Variants in PPP4R2 observed in about 807,000 individuals in gnomAD.
PPP4R2 encodes the protein protein phosphatase 4 regulatory subunit 2, also known as serine/threonine-protein phosphatase 4 regulatory subunit 2.
In PPP4R2, 13 loss-of-function variants were observed where a neutral mutation model predicts 47.2. The observed-to-expected ratio is 0.28, with a 90% CI of 0.18 to 0.44. PPP4R2 has a LOEUF of 0.44. PPP4R2 is among the 20% of genes least tolerant of loss of function. The pLI is 1.00. For synonymous variants in PPP4R2, 151 were observed against 163.3 expected (o/e 0.92, Z 0.57); for missense variants, 421 against 491.2 (o/e 0.86, Z 1.35).
chr3:73,031,488 G>A (rs1702162910), intron 2 of PPP4R2, among the ~76,000 whole-genome samples: 1 of 152,078 alleles, frequency 6.6e-6, no homozygotes, highest in African/African-American at 2.4e-5. Flanking sequence ...GTTGTAGTGA[G>A]CCGAGATTGT....
chr3:73,013,559 G>A (rs868608073), intron 2 of PPP4R2, among the ~76,000 whole-genome samples: 1 of 152,046 alleles, frequency 6.6e-6, no homozygotes, highest in African/African-American at 2.4e-5. Flanking sequence ...ACACATAAGT[G>A]TATGTGTGTT....
chr3:73,029,111 A>G (rs1436535800), intron 2 of PPP4R2, among the ~76,000 whole-genome samples: 4 of 152,116 alleles, frequency 2.6e-5, no homozygotes, highest in African/African-American at 7.2e-5. Flanking sequence ...ATGCCTGGCA[A>G]ATTTTTAATT....
chr3:73,029,155 G>T (rs1246177508), intron 2 of PPP4R2, among the ~76,000 whole-genome samples: 1 of 152,120 alleles, frequency 6.6e-6, no homozygotes, highest in African/African-American at 2.4e-5. Context: ...TGCCCAGGCT[G>T]GTTTTGAACC....
upstream of PPP4R2, chr3:72,996,746 T>A (rs960187758): frequency 3.3e-6 from 1 of 300,996 alleles, no homozygotes; most frequent in East Asian, 5.6e-5. Flanking sequence ...CGCTCTCGGG[T>A]TCCGGGCCGG....
intron 2 of PPP4R2, among the ~76,000 whole-genome samples, chr3:73,013,720 C>T (rs1057326710): frequency 1.3e-5 from 2 of 152,044 alleles, no homozygotes; most frequent in African/African-American, 4.8e-5. Flanking sequence ...CTCACTGCAG[C>T]CTCCACCTCC....
chr3:73,018,618 GTTC>G (rs1178000108), intron 2 of PPP4R2, among the ~76,000 whole-genome samples: 1 of 151,786 alleles, frequency 6.6e-6, no homozygotes, highest in Non-Finnish European at 1.5e-5. Flanking sequence ...CTTCACCTAG[GTTC>G]TTCTTACCTT....
intron 5 of PPP4R2, chr3:73,062,220 A>G (rs1028383908): frequency 6.3e-7 from 1 of 1,593,878 alleles, no homozygotes; most frequent in Non-Finnish European, 8.5e-7. Flanking sequence ...CCAATTTTCC[A>G]CAATGTCTCA....
intron 2 of PPP4R2, among the ~76,000 whole-genome samples, chr3:73,007,484 GT>G (rs11359787): frequency 0.52 from 78,248 of 149,160 alleles, 20,616 homozygotes; most frequent in African/African-American, 0.61. Context: ...TTTGTTTTTT[GT>G]TTTTTTTTGT....
At chr3:73,053,606 C>T (rs1328480319) in intron 3 of PPP4R2, among the ~76,000 whole-genome samples, 1 of 151,986 alleles carries the variant, frequency 6.6e-6, no homozygotes, top group Non-Finnish European at 1.5e-5. Flanking sequence ...GGTTCCTTAT[C>T]ATTATTAAAA....
chr3:73,030,990 C>T (rs1438373269), intron 2 of PPP4R2, among the ~76,000 whole-genome samples: 1 of 151,990 alleles, frequency 6.6e-6, no homozygotes, highest in Non-Finnish European at 1.5e-5. Flanking sequence ...GTGTGAGCCA[C>T]CGCACTGGGC....
At chr3:73,043,128 TATTA>T (rs1175294463) in intron 2 of PPP4R2, among the ~76,000 whole-genome samples, 11 of 152,122 alleles carry the variant, frequency 7.2e-5, no homozygotes, top group Admixed American at 6.5e-4. Flanking sequence ...CACAAAAAAT[TATTA>T]ATTTAAGAAA....
intron 2 of PPP4R2, among the ~76,000 whole-genome samples, chr3:73,004,910 CA>C (rs1701567314): frequency 1.3e-5 from 1 of 79,264 alleles, no homozygotes; most frequent in Non-Finnish European, 2.6e-5. Context: ...GAGTCGGAGT[CA>C]TGTGTGTGTG....
chr3:73,032,504 G>A (rs919135428), intron 2 of PPP4R2, among the ~76,000 whole-genome samples: 24 of 152,092 alleles, frequency 1.6e-4, no homozygotes, highest in African/African-American at 5.6e-4. Context: ...GGCCAGGATG[G>A]TCTTGATTTC....
In PPP4R2 at chr3:73,035,225, C is replaced by T. The variant is rs563642936; in HGVS notation, c.117-11961C>T. The stretch of plus-strand genomic sequence containing the variant: ...AACCACGATGAGATGTTATACACCC[C>T]AGTTAAATGACCATTATCAAAAAGA... On this transcript the variant is annotated intron_variant, in intron 2 of 8. Transcript: ENST00000356692. Among the ~76,000 whole-genome samples, 6 of 152,188 alleles carry T rather than the reference C, an allele frequency of 3.9e-5. No homozygotes were observed. In the South Asian group the frequency reaches 1.2e-3, roughly 32 times the overall value.
At chr3:72,997,174 G>A in intron 1 of PPP4R2, 103 bp downstream of exon 1, 3 of 958,338 alleles carry the variant, frequency 3.1e-6, no homozygotes, top group Non-Finnish European at 4.2e-6. Context: ...GGCGCGGCGT[G>A]GGGAGAGTGC....
intron 2 of PPP4R2, among the ~76,000 whole-genome samples, chr3:73,033,305 C>T (rs1207996330): frequency 6.6e-6 from 1 of 152,128 alleles, no homozygotes; most frequent in East Asian, 1.9e-4. Flanking sequence ...GTTGATAAAT[C>T]TGGAGCCCTC....
chr3:73,064,036 A>C lies in PPP4R2; in HGVS notation c.528A>C (p.Pro176=). 1 of 1,612,228 alleles carries C rather than the reference A, an allele frequency of 6.2e-7. No individual in the cohort carries two copies. Among genetic ancestry groups the C allele is most frequent in the Middle Eastern group, 1.9e-4 (1 of 5,292 alleles). ...SNINGPGTPR[P]LNRPKVSLSA... ...TAAATGGGCCTGGGACACCCAGGCC[A>C]CTTAATCGACCAAAGGTTTCTTTGT... The change falls in exon 7 of 9, where the codon CCA becomes CCC. Residue 176 remains proline, a synonymous_variant. Transcript: ENST00000356692.
intron 3 of PPP4R2, among the ~76,000 whole-genome samples, chr3:73,057,841 A>C (rs768475432): frequency 6.6e-6 from 1 of 152,138 alleles, no homozygotes; most frequent in Non-Finnish European, 1.5e-5. Context: ...TTAACTCACT[A>C]ACTACTATAC....
At chr3:73,060,915 G>C in intron 4 of PPP4R2, 108 bp from the exon 5 acceptor site, 2 of 648,606 alleles carry the variant, frequency 3.1e-6, no homozygotes, top group Non-Finnish European at 4.9e-6. Context: ...AGCAAAATTA[G>C]AATCAATGGG....
Sources: gnomAD v4.1 joint callset for allele counts (sites outside exome capture counted in the v4.1 genomes callset) on GRCh38, gnomAD v4.1.1 for gene constraint, MANE v1.5 for transcripts, NCBI Gene and HGNC (gene_info 2026-07-23, HGNC 2026-07-21) for gene names.